NPAS2: variants seen among roughly 807,000 people sequenced by gnomAD.
NPAS2 encodes neuronal PAS domain-containing protein 2.
A neutral mutation model predicts 107.5 loss-of-function variants in NPAS2; 23 were observed. The observed-to-expected ratio is 0.21, with a 90% confidence interval of 0.15 to 0.30. The LOEUF is 0.30. Ranked by LOEUF, NPAS2 falls within the 10% of genes least tolerant of loss-of-function variation. The pLI is 1.00. For synonymous variants in NPAS2, 403 were observed against 417.5 expected (o/e 0.97, Z 0.42); for missense variants, 756 against 1,043.3 (o/e 0.72, Z 3.79).
intron 1 of NPAS2, among the ~76,000 whole-genome samples, chr2:100,832,946 T>C (rs1676836315): frequency 6.6e-6 from 1 of 152,220 alleles, no homozygotes; most frequent in East Asian, 1.9e-4. Context: ...TTTGTACTTC[T>C]TTGGGTGGTA....
At chr2:100,926,458 T>C (rs1683567688) in intron 3 of NPAS2, among the ~76,000 whole-genome samples, 1 of 152,226 alleles carries the variant, frequency 6.6e-6, no homozygotes, top group African/African-American at 2.4e-5. Context: ...TCTTTTATTA[T>C]GACTATTATT....
At chr2:100,984,616 C>A (rs1677670509) in intron 16 of NPAS2, 1 of 151,744 alleles carries the variant, frequency 6.6e-6, no homozygotes, top group Non-Finnish European at 1.5e-5. Flanking sequence ...TAACTTTTCC[C>A]ACTTGGAGAA....
At chr2:100,949,795 C>T (rs1288778077) in intron 7 of NPAS2, among the ~76,000 whole-genome samples, 1 of 152,218 alleles carries the variant, frequency 6.6e-6, no homozygotes, top group Non-Finnish European at 1.5e-5. Context: ...AGAACAGGCT[C>T]TGCCAAACAG....
At chr2:100,966,585 C>CTTTTTT (rs765292891) in intron 10 of NPAS2, among the ~76,000 whole-genome samples, 1 of 120,342 alleles carries the variant, frequency 8.3e-6, no homozygotes, top group Non-Finnish European at 1.7e-5. Context: ...CCCATTAGAA[C>CTTTTTT]TTTTTTTTTT....
At chr2:100,914,970 A>G (rs1262633177) in intron 2 of NPAS2, among the ~76,000 whole-genome samples, 1 of 152,164 alleles carries the variant, frequency 6.6e-6, no homozygotes, top group Non-Finnish European at 1.5e-5. Context: ...ATGCAGCCCC[A>G]CACCCAGAAG....
intron 1 of NPAS2, among the ~76,000 whole-genome samples, chr2:100,829,157 G>A (rs1333476086): frequency 6.6e-6 from 1 of 150,690 alleles, no homozygotes; most frequent in Admixed American, 6.6e-5. Flanking sequence ...TTTAATGGCT[G>A]CTGCAAATGG....
In NPAS2 at chr2:100,974,878, C is replaced by G. The variant is rs146893880; in HGVS notation, c.1216C>G (p.His406Asp). 1,992 of 1,614,084 alleles carry G rather than the reference C, an allele frequency of 1.2e-3. 18 individuals carry two copies. The African/African-American group carries it at 0.021, about 17-fold the overall frequency. Residue 406 changes from histidine to aspartate, a missense_variant, in exon 13 of 21, where the codon CAT becomes GAT. By Grantham distance (81) the His-to-Asp change is moderately conservative (BLOSUM62 -1). This residue lies in a region of NPAS2 where 496 missense variants were observed against 594.4 expected (regional missense o/e 0.83). Coordinates refer to ENST00000335681, the MANE Select transcript of NPAS2 (RefSeq NM_002518.4). Reference protein sequence around the residue: ...DVGASGLNTSHSPSASSRSSH... With the variant: ...DVGASGLNTSDSPSASSRSSH... ...GGGTGCCTCGGGCCTTAATACCAGTCATTCGCCATCGGCGTCCTCAAGAAG... is the reference window on the plus strand; with the variant it reads ...GGGTGCCTCGGGCCTTAATACCAGTGATTCGCCATCGGCGTCCTCAAGAAG...
rs1553462552 is a variant in NPAS2, at chr2:100,963,390, G to GT, written c.599-665dup. On this transcript the variant is annotated intron_variant, in intron 7 of 20. Transcript: ENST00000335681. Reference sequence around the variant, plus strand: ...AATGAGGCTGTCTTCTCTTTTTTTTGTTTGTTTTGTTTTGTTTTGTTTTGT... The same window carrying GT: ...AATGAGGCTGTCTTCTCTTTTTTTTGTTTTGTTTTGTTTTGTTTTGTTTTGT... Among the ~76,000 whole-genome samples, 68 of 149,116 alleles carry GT rather than the reference G, an allele frequency of 4.6e-4. 1 individual carries two copies. Among genetic ancestry groups the GT allele is most frequent in the African/African-American group, 1.6e-3 (62 of 38,920 alleles).
chr2:100,993,539 G>C lies in NPAS2; in HGVS notation c.2292+12G>C. 6.6e-7 allele frequency: 1 copy of C among 1,511,874 alleles called. No homozygotes were observed. The highest frequency in any genetic ancestry group is 1.2e-5 in the South Asian group (1 of 81,084). The allele number at this position is 1,511,874 out of a possible 1,614,324, so 93.7% of individuals were successfully genotyped here. A position where few individuals can be genotyped will look rare whatever the true frequency, so the allele number is the denominator to read the frequency against. On this transcript the variant is annotated intron_variant, in intron 20 of 20. Transcript: ENST00000335681. Reference sequence around the variant, plus strand: ...AGCACTACCTGCAGGTGGGTGCCACGGCCCAGGGGGCCCCCGTGCAGGCCT... The same window carrying C: ...AGCACTACCTGCAGGTGGGTGCCACCGCCCAGGGGGCCCCCGTGCAGGCCT...
chr2:100,891,294 T>C (rs1681053348), intron 1 of NPAS2, among the ~76,000 whole-genome samples: 1 of 151,814 alleles, frequency 6.6e-6, no homozygotes, highest in Admixed American at 6.6e-5. Context: ...TGAGGGTGCT[T>C]TCTACCAACA....
intron 7 of NPAS2, among the ~76,000 whole-genome samples, chr2:100,958,434 G>A (rs141924574): frequency 9.6e-4 from 146 of 152,320 alleles, no homozygotes; most frequent in Non-Finnish European, 1.8e-3. Flanking sequence ...GGACGGCTTC[G>A]TGGAAGGAGT....
intron 5 of NPAS2, among the ~76,000 whole-genome samples, chr2:100,943,006 G>A (rs564641766): frequency 6.6e-6 from 1 of 152,306 alleles, no homozygotes; most frequent in South Asian, 2.1e-4. Flanking sequence ...CTTGGAAGGT[G>A]CTTCCATGAA....
intron 2 of NPAS2, among the ~76,000 whole-genome samples, chr2:100,917,853 G>A (rs970297344): frequency 2.0e-5 from 3 of 152,112 alleles, no homozygotes; most frequent in Non-Finnish European, 4.4e-5. Flanking sequence ...TTTCACTGGT[G>A]AATTCTGCCA....
intron 5 of NPAS2, among the ~76,000 whole-genome samples, chr2:100,940,277 C>T (rs1674498156): frequency 6.6e-6 from 1 of 152,230 alleles, no homozygotes; most frequent in South Asian, 2.1e-4. Context: ...GACTGCAGAA[C>T]CCAGGCTGGT....
chr2:100,862,876 C>T (rs1482332750), intron 1 of NPAS2, among the ~76,000 whole-genome samples: 1 of 152,032 alleles, frequency 6.6e-6, no homozygotes. Flanking sequence ...GTGAGGGGGA[C>T]GTATGTGAGT....
At chr2:100,889,998 T>C (rs555456951) in intron 1 of NPAS2, among the ~76,000 whole-genome samples, 1 of 152,164 alleles carries the variant, frequency 6.6e-6, no homozygotes, top group East Asian at 1.9e-4. Flanking sequence ...CTAGAAGGAT[T>C]GAGGTTTTCC....
intron 5 of NPAS2, among the ~76,000 whole-genome samples, chr2:100,943,813 G>A (rs781408840): frequency 2.0e-5 from 3 of 152,222 alleles, no homozygotes; most frequent in African/African-American, 4.8e-5. Context: ...TGTGTGGGGA[G>A]GGAACCTGCA....
chr2:100,849,678 C>G (rs1295976952), intron 1 of NPAS2, among the ~76,000 whole-genome samples: 2 of 152,138 alleles, frequency 1.3e-5, no homozygotes, highest in African/African-American at 2.4e-5. Context: ...TTACTTTGCT[C>G]TAAAGCAAGG....
chr2:100,946,008 T>C (rs1674871170), intron 5 of NPAS2, among the ~76,000 whole-genome samples: 1 of 152,186 alleles, frequency 6.6e-6, no homozygotes, highest in South Asian at 2.1e-4. Context: ...CTCCTGAAGC[T>C]CCTGTTGGAG....
Sources: allele counts gnomAD v4.1 joint callset (sites outside exome capture counted in the v4.1 genomes callset), GRCh38; gene constraint gnomAD v4.1.1; regional missense constraint gnomAD v4.1.1; transcripts MANE v1.5; gene names NCBI Gene and HGNC (gene_info 2026-07-23, HGNC 2026-07-21).